The following LDB2 variants were observed in gnomAD, a reference collection of about 807,000 sequenced individuals.
LDB2 encodes the protein LIM domain binding 2, also known as LIM domain-binding protein 2.
A neutral mutation model predicts 44.3 loss-of-function variants in LDB2; 12 were observed. The ratio of observed to expected loss-of-function variants is 0.27; its 90% CI spans 0.17 to 0.44. The LOEUF (loss-of-function observed/expected upper bound fraction) is 0.44, where lower values mean the gene tolerates loss of function less well. Ranked by LOEUF, LDB2 falls within the 20% of genes least tolerant of loss-of-function variation. LDB2 has a pLI of 1.00. For synonymous variants in LDB2, 164 were observed against 174.8 expected (o/e 0.94, Z 0.49); for missense variants, 344 against 473.5 (o/e 0.73, Z 2.54).
chr4:16,771,951 C>T (rs1028936507), intron 1 of LDB2, among the ~76,000 whole-genome samples: 9 of 152,120 alleles, frequency 5.9e-5, no homozygotes, highest in African/African-American at 2.2e-4. Context: ...GTAGGGAGCT[C>T]ACTCTCCTGT....
At chr4:16,853,288 A>G (rs1788643344) in intron 1 of LDB2, among the ~76,000 whole-genome samples, 1 of 152,230 alleles carries the variant, frequency 6.6e-6, no homozygotes, top group African/African-American at 2.4e-5. Flanking sequence ...CTCAATAGTG[A>G]AAAAACAAAT....
At chr4:16,586,487 TAC>T (rs5856368) in intron 4 of LDB2, among the ~76,000 whole-genome samples, 44,541 of 128,238 alleles carry the variant, frequency 0.35, 7,019 homozygotes, top group Middle Eastern at 0.49. Context: ...TGTCTTGAAA[TAC>T]ACACACACAC....
intron 5 of LDB2, among the ~76,000 whole-genome samples, chr4:16,549,140 C>G (rs1700091104): frequency 6.6e-6 from 1 of 152,188 alleles, no homozygotes; most frequent in African/African-American, 2.4e-5. Context: ...AACAAGTACA[C>G]AATTTCTAAG....
intron 2 of LDB2, among the ~76,000 whole-genome samples, chr4:16,725,188 A>G (rs1759158936): frequency 6.6e-6 from 1 of 152,102 alleles, no homozygotes; most frequent in Admixed American, 6.6e-5. Flanking sequence ...ATGCTAAGCC[A>G]TTAGTATATA....
chr4:16,674,792 CACACACACACACACATATACACAG>C (rs1354813911), intron 2 of LDB2, among the ~76,000 whole-genome samples: 1 of 151,702 alleles, frequency 6.6e-6, no homozygotes, highest in Non-Finnish European at 1.5e-5. Flanking sequence ...CGAAAGCACA[CACACACACACACACATATACACAG>C]ACACACACAC....
intron 2 of LDB2, among the ~76,000 whole-genome samples, chr4:16,729,185 A>C (rs891791199): frequency 8.5e-5 from 13 of 152,214 alleles, no homozygotes; most frequent in African/African-American, 2.4e-4. Flanking sequence ...AGACTTCAAA[A>C]CAAACTTCAT....
At chr4:16,666,375 G>C (rs79052797) in intron 2 of LDB2, among the ~76,000 whole-genome samples, 1,527 of 152,300 alleles carry the variant, frequency 0.01, 45 homozygotes, top group Admixed American at 0.052. Flanking sequence ...GCTACGCTGA[G>C]AAGAAAGGGA....
intron 5 of LDB2, among the ~76,000 whole-genome samples, chr4:16,527,448 G>A (rs75716029): frequency 0.011 from 1,606 of 152,188 alleles, 18 homozygotes; most frequent in African/African-American, 0.032. Flanking sequence ...GCGTGGATGC[G>A]GTTGAAAAGG....
chr4:16,892,236 C>T (rs1723631083), intron 1 of LDB2, among the ~76,000 whole-genome samples: 1 of 152,150 alleles, frequency 6.6e-6, no homozygotes, highest in African/African-American at 2.4e-5. Flanking sequence ...TGTCTCCCCT[C>T]TTTATCAAAT....
At chr4:16,810,251 C>G (rs1386061153) in intron 1 of LDB2, among the ~76,000 whole-genome samples, 1 of 152,154 alleles carries the variant, frequency 6.6e-6, no homozygotes, top group Non-Finnish European at 1.5e-5. Context: ...ACAGCAATAT[C>G]CTTCAACATG....
intron 1 of LDB2, among the ~76,000 whole-genome samples, chr4:16,847,718 A>G (rs1053300726): frequency 6.6e-6 from 1 of 152,040 alleles, no homozygotes; most frequent in Non-Finnish European, 1.5e-5. Context: ...CAGGGTTCAC[A>G]CCATTCTCCT....
intron 2 of LDB2, among the ~76,000 whole-genome samples, chr4:16,701,114 CCTT>C (rs1560927811): frequency 6.6e-6 from 1 of 152,184 alleles, no homozygotes; most frequent in African/African-American, 2.4e-5. Flanking sequence ...AGAATTCAAA[CCTT>C]CTTCTTAAGA....
intron 2 of LDB2, among the ~76,000 whole-genome samples, chr4:16,650,177 A>G (rs547675964): frequency 1.3e-5 from 2 of 152,318 alleles, no homozygotes; most frequent in South Asian, 2.1e-4. Context: ...TGTGACCTTG[A>G]GCAAATTTTC....
chr4:16,692,777 C>CA (rs1751116756), intron 2 of LDB2, among the ~76,000 whole-genome samples: 1 of 152,040 alleles, frequency 6.6e-6, no homozygotes, highest in African/African-American at 2.4e-5. Flanking sequence ...CTGAGTTGAC[C>CA]TGTGCTAAGT....
chr4:16,568,309 T>G (rs1745253110), intron 5 of LDB2, among the ~76,000 whole-genome samples: 1 of 152,182 alleles, frequency 6.6e-6, no homozygotes, highest in African/African-American at 2.4e-5. Context: ...GTTCCTTAGT[T>G]TCAGATATCG....
At chr4:16,849,647 T>G (rs1380442410) in intron 1 of LDB2, among the ~76,000 whole-genome samples, 1 of 152,238 alleles carries the variant, frequency 6.6e-6, no homozygotes, top group Non-Finnish European at 1.5e-5. Flanking sequence ...ACAGTGACAC[T>G]TCATGGCATG....
At chr4:16,508,738 G>A (rs1297243903) in intron 6 of LDB2, 52 bp from the exon 7 acceptor site, 1 of 1,566,574 alleles carries the variant, frequency 6.4e-7, no homozygotes, top group Non-Finnish European at 8.7e-7. Context: ...AAGCAACAAG[G>A]CAATCATCAG....
At chr4:16,848,238 T>C (rs886146060) in intron 1 of LDB2, among the ~76,000 whole-genome samples, 1 of 152,232 alleles carries the variant, frequency 6.6e-6, no homozygotes, top group African/African-American at 2.4e-5. Context: ...AAAGGCTTAC[T>C]GTTCATTCTA....
chr4:16,568,065 A>G (rs922867385), intron 5 of LDB2, among the ~76,000 whole-genome samples: 4 of 152,224 alleles, frequency 2.6e-5, no homozygotes, highest in African/African-American at 7.2e-5. Context: ...AGAGTGAACC[A>G]TATCAAATAG....
Sources: gnomAD v4.1 joint callset for allele counts (sites outside exome capture counted in the v4.1 genomes callset) on GRCh38, gnomAD v4.1.1 for gene constraint, MANE v1.5 for transcripts, NCBI Gene and HGNC (gene_info 2026-07-23, HGNC 2026-07-21) for gene names.